Variants in FAM76A observed in about 807,000 individuals in gnomAD.
The protein encoded by FAM76A is family with sequence similarity 76 member A.
A neutral mutation model predicts 46.2 loss-of-function variants in FAM76A; 32 were observed. The ratio of observed to expected loss-of-function variants is 0.69; its 90% confidence interval spans 0.52 to 0.93. FAM76A has a LOEUF of 0.93. Among genes scored for constraint, FAM76A ranks in the 40% least tolerant of loss-of-function variants. FAM76A has a pLI of 0.00. For synonymous variants in FAM76A, 137 were observed against 127.0 expected (o/e 1.08, Z -0.53); for missense variants, 274 against 361.5 (o/e 0.76, Z 1.96).
At chr1:27,748,373 C>T (rs553175126) in intron 5 of FAM76A, among the ~76,000 whole-genome samples, 81 of 151,576 alleles carry the variant, frequency 5.3e-4, no homozygotes, top group African/African-American at 2.0e-3. Flanking sequence ...ATCCATCCAC[C>T]TCGGCCTCCC....
chr1:27,754,956 G>T (rs567536791), intron 6 of FAM76A, among the ~76,000 whole-genome samples: 1 of 152,334 alleles, frequency 6.6e-6, no homozygotes, highest in South Asian at 2.1e-4. Context: ...TGTGAGAGAA[G>T]ATGCTGCAGG....
At chr1:27,759,391 C>G in intron 7 of FAM76A, 135 bp from the exon 8 acceptor site, 1 of 542,214 alleles carries the variant, frequency 1.8e-6, no homozygotes, top group Non-Finnish European at 3.3e-6. Context: ...GTGGAATTCC[C>G]TGGTTTTGAT....
At chr1:27,734,297 C>T in intron 4 of FAM76A, 114 bp downstream of exon 4, 2 of 1,123,116 alleles carry the variant, frequency 1.8e-6, no homozygotes, top group South Asian at 1.7e-5. Flanking sequence ...CCTGTAATCC[C>T]AGCACTTTGG....
chr1:27,745,629 T>A (rs542600910), intron 5 of FAM76A, among the ~76,000 whole-genome samples: 1 of 152,280 alleles, frequency 6.6e-6, no homozygotes, highest in African/African-American at 2.4e-5. Context: ...CTTAGTATAA[T>A]GTAACGGGTA....
Position 27,761,968 on chromosome 1 carries a change from A to C in FAM76A, c.*1387A>C, listed in dbSNP as rs905535747. On this transcript the variant is annotated 3_prime_UTR_variant, in exon 9 of 9. Transcript: ENST00000373954. ...CAATGGAGTGAGACTCCGTCTCAAA[A>C]AAAAAAAAAAAAGGAATAATATTTG... 6.6e-6 allele frequency: 1 copy of C among 151,692 alleles called. No homozygotes were observed. The highest frequency in any genetic ancestry group is 1.5e-5 in the Non-Finnish European group (1 of 67,954). The allele number at this position is 151,692 out of a possible 1,614,324, so 9.4% of individuals were successfully genotyped here.
Position 27,760,803 on chromosome 1 carries a change from T to G in FAM76A, c.*222T>G. ...TGGGATTTCAAGCTCGCTCTCTTTCTCTCACTATTAGGACTTTTCTTTTTC... is the reference window on the plus strand; with the variant it reads ...TGGGATTTCAAGCTCGCTCTCTTTCGCTCACTATTAGGACTTTTCTTTTTC... On this transcript the variant is annotated 3_prime_UTR_variant, in exon 9 of 9. Transcript: ENST00000373954. The G allele has an allele frequency of 4.1e-6, 1 of 242,394 alleles. No individual in the cohort carries two copies. The highest frequency in any genetic ancestry group is 8.5e-6 in the Non-Finnish European group (1 of 117,934). 15.0% of individuals were successfully genotyped at this position (242,394 alleles called of 1,614,324 possible).
At chr1:27,752,677 T>C (rs1422222061) in intron 6 of FAM76A, among the ~76,000 whole-genome samples, 2 of 152,236 alleles carry the variant, frequency 1.3e-5, no homozygotes, top group Non-Finnish European at 2.9e-5. Flanking sequence ...TGTAGGGTTA[T>C]AGAGAGGCAG....
In FAM76A at chr1:27,743,822, T is replaced by A. The variant is rs747853004; in HGVS notation, c.355-832T>A. On this transcript the variant is annotated intron_variant, in intron 4 of 8. Coordinates refer to ENST00000373954, the MANE Select transcript of FAM76A (RefSeq NM_152660.3). ...TGAGCATGGTGGCATGTACCTGTAG[T>A]CCTGGCTACTCAGGATGCTGAGGCA... is the stretch of plus-strand genomic sequence containing the variant. Among the ~76,000 whole-genome samples the A allele has an allele frequency of 1.4e-4, 21 of 152,090 alleles. No individual in the cohort carries two copies. The East Asian group carries it at 3.3e-3, about 24-fold the overall frequency.
At chr1:27,749,197 T>G in intron 6 of FAM76A, 43 bp downstream of exon 6, 1 of 1,322,240 alleles carries the variant, frequency 7.6e-7, no homozygotes. Context: ...TTGAAATGCA[T>G]ACACAGTTCC....
chr1:27,753,594 T>A (rs1352430765), intron 6 of FAM76A, among the ~76,000 whole-genome samples: 2 of 152,236 alleles, frequency 1.3e-5, no homozygotes, highest in Non-Finnish European at 2.9e-5. Flanking sequence ...ATTCTTCCTC[T>A]GACAGTCTTC....
chr1:27,746,939 T>C (rs1304266368), intron 5 of FAM76A, among the ~76,000 whole-genome samples: 2 of 152,102 alleles, frequency 1.3e-5, no homozygotes, highest in Non-Finnish European at 2.9e-5. Context: ...CCAGGTGTAG[T>C]GGCACACACC....
chr1:27,737,868 C>CAA (rs71571865), intron 4 of FAM76A, among the ~76,000 whole-genome samples: 921 of 62,630 alleles, frequency 0.015, 23 homozygotes, highest in Non-Finnish European at 0.018. Context: ...ACAACAACAA[C>CAA]AAAAAAAAAA....
chr1:27,730,781 A>G (rs2087943674), intron 2 of FAM76A, among the ~76,000 whole-genome samples: 2 of 152,182 alleles, frequency 1.3e-5, no homozygotes, highest in East Asian at 1.9e-4. Context: ...CACAGGAATT[A>G]TATGGGAAAA....
At chr1:27,736,615 T>C (rs1294250036) in intron 4 of FAM76A, among the ~76,000 whole-genome samples, 1 of 152,010 alleles carries the variant, frequency 6.6e-6, no homozygotes, top group Non-Finnish European at 1.5e-5. Context: ...TGAGATGGAG[T>C]CTCAGTCTAT....
At chr1:27,742,634 A>G (rs2088173925) in intron 4 of FAM76A, among the ~76,000 whole-genome samples, 1 of 152,180 alleles carries the variant, frequency 6.6e-6, no homozygotes, top group African/African-American at 2.4e-5. Flanking sequence ...GATTTCAGTT[A>G]CATAGGAGGA....
At chr1:27,726,728 A>G (rs1311763921) in intron 1 of FAM76A, among the ~76,000 whole-genome samples, 1 of 151,994 alleles carries the variant, frequency 6.6e-6, no homozygotes. Flanking sequence ...AGGCTCACAG[A>G]TCCGAGGGAT....
chr1:27,747,285 A>G lies in FAM76A; in HGVS notation c.513-1783A>G, dbSNP rs571248346. 2.6e-5 allele frequency among the ~76,000 whole-genome samples: 4 copies of G among 152,340 alleles called. No individual in the cohort carries two copies. In the East Asian group the frequency reaches 5.8e-4, roughly 22 times the overall value. ...CTCTTAAATGATGTAATTCAGATTC[A>G]GGGCTGAGAATGGAACTCTACAAGC... On this transcript the variant is annotated intron_variant, in intron 5 of 8. Transcript: ENST00000373954.
rs1338606792 is a variant in FAM76A at position 27,734,010 on chromosome 1, ACT to A, written c.202-18_202-17del. On this transcript the variant is annotated intron_variant, in intron 3 of 8. Coordinates refer to ENST00000373954, the MANE Select transcript of FAM76A (RefSeq NM_152660.3). ...ATTTTATGAAAGTAATACTTACTTG[ACT>A]CTTTTTTCCCCTTTTAAGCCCAAAC... The A allele has an allele frequency of 1.3e-6, 2 of 1,596,676 alleles. No individual in the cohort carries two copies. The highest frequency in any genetic ancestry group is 1.9e-5 in the Admixed American group (1 of 54,034).
At chr1:27,742,978 G>T (rs2088181002) in intron 4 of FAM76A, among the ~76,000 whole-genome samples, 2 of 152,058 alleles carry the variant, frequency 1.3e-5, no homozygotes, top group African/African-American at 4.8e-5. Flanking sequence ...TAGGAGAATT[G>T]CTTGAACCCA....
Sources: gnomAD v4.1 joint callset for allele counts (sites outside exome capture counted in the v4.1 genomes callset) on GRCh38, gnomAD v4.1.1 for gene constraint, MANE v1.5 for transcripts, NCBI Gene and HGNC (gene_info 2026-07-23, HGNC 2026-07-21) for gene names.